The following RARB variants were observed in gnomAD, a reference collection of about 807,000 sequenced individuals.
The protein encoded by RARB is HBV-activated protein.
RARB carries 17 observed loss-of-function variants against 51.9 expected under a neutral mutation model. The observed-to-expected ratio is 0.33, with a 90% CI of 0.22 to 0.49. The LOEUF (loss-of-function observed/expected upper bound fraction) is 0.49, where lower values mean the gene tolerates loss of function less well. Among genes scored for constraint, RARB ranks in the 20% least tolerant of loss-of-function variants. RARB has a pLI of 0.99. For missense variants in RARB, 369 were observed against 550.8 expected, an observed-to-expected ratio of 0.67 and a Z score of 3.30; for synonymous variants, 215 against 195.4, an observed-to-expected ratio of 1.10 and a Z score of -0.84.
intron 3 of RARB, among the ~76,000 whole-genome samples, chr3:25,083,621 T>C (rs1199796405): frequency 2.0e-5 from 3 of 152,198 alleles, no homozygotes; most frequent in Non-Finnish European, 4.4e-5. Flanking sequence ...AACGTTTCTG[T>C]CATGTCTGGG....
chr3:25,102,888 C>G (rs1393575556), intron 3 of RARB, among the ~76,000 whole-genome samples: 2 of 152,094 alleles, frequency 1.3e-5, no homozygotes, highest in Non-Finnish European at 2.9e-5. Context: ...CCCATCTCTA[C>G]TAAAAATACA....
intron 3 of RARB, among the ~76,000 whole-genome samples, chr3:25,066,588 T>C (rs1698667117): frequency 6.7e-6 from 1 of 148,240 alleles, no homozygotes; most frequent in Admixed American, 6.6e-5. Flanking sequence ...TATGCATATG[T>C]GCACACGCAC....
intron 1 of RARB, among the ~76,000 whole-genome samples, chr3:25,442,239 C>A (rs1190996124): frequency 6.6e-6 from 1 of 151,978 alleles, no homozygotes; most frequent in Non-Finnish European, 1.5e-5. Flanking sequence ...GTGTTCAAGC[C>A]ATTCTCCTGC....
intron 2 of RARB, among the ~76,000 whole-genome samples, chr3:25,024,601 A>T (rs1559438068): frequency 6.6e-6 from 1 of 152,212 alleles, no homozygotes; most frequent in Non-Finnish European, 1.5e-5. Flanking sequence ...GAGGTAGTCC[A>T]TTGGACTAGA....
At chr3:24,981,450 T>G (rs1040914288) in intron 2 of RARB, among the ~76,000 whole-genome samples, 1 of 152,174 alleles carries the variant, frequency 6.6e-6, no homozygotes. Flanking sequence ...CCCTGCCTCT[T>G]TGTTTACACT....
intron 1 of RARB, among the ~76,000 whole-genome samples, chr3:24,856,658 A>T (rs1453933608): frequency 6.6e-6 from 1 of 152,134 alleles, no homozygotes; most frequent in Non-Finnish European, 1.5e-5. Flanking sequence ...ATTCCTCAAC[A>T]TGTTACTCTC....
At chr3:24,923,646 G>A (rs1046901278) in intron 2 of RARB, among the ~76,000 whole-genome samples, 3 of 152,086 alleles carry the variant, frequency 2.0e-5, no homozygotes, top group African/African-American at 4.8e-5. Flanking sequence ...TTTGCTTAGG[G>A]CAAGGTATAA....
intron 5 of RARB, among the ~76,000 whole-genome samples, chr3:25,243,733 C>T (rs1425575458): frequency 6.6e-6 from 1 of 151,972 alleles, no homozygotes; most frequent in Non-Finnish European, 1.5e-5. Context: ...GAGGATTTTT[C>T]CCTTCGATGT....
chr3:24,946,499 T>A (rs1695778231), intron 2 of RARB, among the ~76,000 whole-genome samples: 1 of 151,920 alleles, frequency 6.6e-6, no homozygotes, highest in South Asian at 2.1e-4. Context: ...GCCAAGTTAT[T>A]TCTAATGCAG....
At chr3:25,285,672 C>T (rs1421520429) in intron 5 of RARB, among the ~76,000 whole-genome samples, 1 of 152,104 alleles carries the variant, frequency 6.6e-6, no homozygotes, top group Non-Finnish European at 1.5e-5. Context: ...GTGAAATAGA[C>T]AGACTGGGTA....
chr3:24,862,863 A>T (rs1702780090), intron 2 of RARB, among the ~76,000 whole-genome samples: 1 of 152,166 alleles, frequency 6.6e-6, no homozygotes, highest in South Asian at 2.1e-4. Context: ...AAATTTATAG[A>T]GTGTGGATTC....
intron 2 of RARB, among the ~76,000 whole-genome samples, chr3:25,468,645 A>G (rs1695552040): frequency 6.6e-6 from 1 of 152,078 alleles, no homozygotes; most frequent in African/African-American, 2.4e-5. Flanking sequence ...TTCATAGGCC[A>G]CCAAATTTAA....
chr3:24,984,323 GCTCA>G (rs1175968089), intron 2 of RARB, among the ~76,000 whole-genome samples: 1 of 152,158 alleles, frequency 6.6e-6, no homozygotes, highest in East Asian at 1.9e-4. Context: ...GTGACTGTTT[GCTCA>G]CTCATTCATT....
At chr3:25,188,575 T>C (rs1005549516) in intron 5 of RARB, among the ~76,000 whole-genome samples, 1 of 152,138 alleles carries the variant, frequency 6.6e-6, no homozygotes, top group Non-Finnish European at 1.5e-5. Context: ...AGAAAAGTTA[T>C]TCTGTCAGCT....
intron 5 of RARB, among the ~76,000 whole-genome samples, chr3:25,214,307 T>A (rs1701768343): frequency 6.6e-6 from 1 of 152,112 alleles, no homozygotes; most frequent in Non-Finnish European, 1.5e-5. Flanking sequence ...CTTGAGCAAA[T>A]GAGCTGCATT....
chr3:25,545,913 T>G (rs1025465664), intron 3 of RARB, among the ~76,000 whole-genome samples: 4 of 152,028 alleles, frequency 2.6e-5, no homozygotes, highest in African/African-American at 9.7e-5. Context: ...AAACAAGAAG[T>G]GAAATAAAAC....
chr3:24,853,798 C>G (rs1320413180), intron 1 of RARB, among the ~76,000 whole-genome samples: 2 of 152,090 alleles, frequency 1.3e-5, no homozygotes, highest in Non-Finnish European at 2.9e-5. Flanking sequence ...TGGCTTTGGG[C>G]ACAGGATAAA....
intron 2 of RARB, among the ~76,000 whole-genome samples, chr3:24,861,852 G>A (rs1286626656): frequency 3.3e-5 from 5 of 152,186 alleles, no homozygotes; most frequent in Admixed American, 3.3e-4. Context: ...GCTTTGACTT[G>A]TTGGATGCCC....
chr3:25,144,971 T>C (rs966422342), intron 4 of RARB, among the ~76,000 whole-genome samples: 1 of 152,176 alleles, frequency 6.6e-6, no homozygotes, highest in African/African-American at 2.4e-5. Context: ...CATTTTGGAA[T>C]GCAGATTGAC....
Sources: gnomAD v4.1 joint callset for allele counts (sites outside exome capture counted in the v4.1 genomes callset) on GRCh38, gnomAD v4.1.1 for gene constraint, MANE v1.5 for transcripts, NCBI Gene and HGNC (gene_info 2026-07-23, HGNC 2026-07-21) for gene names.